The following CCDC61 variants were observed in gnomAD, a reference collection of about 807,000 sequenced individuals.
CCDC61 encodes the protein coiled-coil domain containing 61.
In CCDC61, 55 loss-of-function variants were observed where a neutral mutation model predicts 63.0. That is an observed-to-expected ratio of 0.87 (90% CI 0.70 to 1.09). The LOEUF is 1.09. Among genes scored for constraint, CCDC61 ranks in the 50% least tolerant of loss-of-function variants. The pLI is 0.00. For missense variants in CCDC61, 651 were observed against 731.4 expected (o/e 0.89, Z 1.27); for synonymous variants, 270 against 317.0 (o/e 0.85, Z 1.58).
intron 1 of CCDC61, among the ~76,000 whole-genome samples, chr19:45,999,021 C>T (rs1968543193): frequency 6.6e-6 from 1 of 152,172 alleles, no homozygotes; most frequent in African/African-American, 2.4e-5. Flanking sequence ...TTCTGTCTTT[C>T]ATGGTGGGAT....
intron 1 of CCDC61, 32 bp from the exon 2 acceptor site, chr19:46,002,976 C>G (rs766225587): frequency 6.4e-7 from 1 of 1,551,030 alleles, no homozygotes; most frequent in South Asian, 1.2e-5. Context: ...GCTCTGAGCT[C>G]CTCTAGGTTT....
chr19:46,013,590 C>T (rs7508613), intron 5 of CCDC61, among the ~76,000 whole-genome samples: 43,739 of 151,828 alleles, frequency 0.29, 6,561 homozygotes, highest in African/African-American at 0.35. Context: ...TTTCCAGGGC[C>T]GGGTGCGGTG....
At position 46,003,079 on chromosome 19, in the gene CCDC61, C is replaced by A; in HGVS notation, c.61C>A (p.Arg21=). ...YVFRGVEHAV[R]VMVSGQVLEL... ...CTTCCGGGGTGTGGAGCATGCCGTG[C>A]GGGTGATGGTTTCTGGGCAGGTGCT... is the stretch of plus-strand genomic sequence containing the variant. Residue 21 remains arginine (R), a synonymous_variant, in exon 2 of 14, where the codon CGG becomes AGG. Coordinates refer to ENST00000595358, the MANE Select transcript of CCDC61 (RefSeq NM_001267723.2). 6.2e-7 allele frequency: 1 copy of A among 1,608,678 alleles called. No homozygotes were observed.
chr19:46,012,851 ATTT>A lies in CCDC61; in HGVS notation c.552-2184_552-2182del, dbSNP rs369632790. On this transcript the variant is annotated intron_variant, in intron 5 of 13. Coordinates refer to ENST00000595358, the MANE Select transcript of CCDC61 (RefSeq NM_001267723.2). Reference sequence around the variant, plus strand: ...TGTATCTCTTTTTGCACTTAATTTAATTTTTTTTTTTTTTTTAAGAGACAGAGT... The same window carrying A: ...TGTATCTCTTTTTGCACTTAATTTAATTTTTTTTTTTTTAAGAGACAGAGT... Among the ~76,000 whole-genome samples the A allele has an allele frequency of 4.6e-4, 66 of 142,460 alleles. 1 individual carries two copies. The highest frequency in any genetic ancestry group is 3.2e-3 in the South Asian group (14 of 4,410). 93.5% of individuals were successfully genotyped at this position (142,460 alleles called of 152,430 possible). A position where few individuals can be genotyped will look rare whatever the true frequency, so the allele number is the denominator to read the frequency against.
chr19:46,013,380 C>T (rs1285965877), intron 5 of CCDC61, among the ~76,000 whole-genome samples: 1 of 151,950 alleles, frequency 6.6e-6, no homozygotes, highest in Non-Finnish European at 1.5e-5. Context: ...ATGTCTCAAA[C>T]TCTTGGGCTC....
At chr19:46,013,548 A>G (rs1968867876) in intron 5 of CCDC61, among the ~76,000 whole-genome samples, 1 of 152,160 alleles carries the variant, frequency 6.6e-6, no homozygotes, top group South Asian at 2.1e-4. Context: ...CAGTGTAATT[A>G]CTAATAATTG....
intron 11 of CCDC61, 56 bp from the exon 12 acceptor site, chr19:46,017,191 G>C: frequency 6.5e-7 from 1 of 1,543,904 alleles, no homozygotes; most frequent in Non-Finnish European, 8.8e-7. Flanking sequence ...AGGTCGGGGA[G>C]GTGGGAAGTA....
At chr19:46,001,774 C>A (rs1443760568) in intron 1 of CCDC61, among the ~76,000 whole-genome samples, 1 of 152,100 alleles carries the variant, frequency 6.6e-6, no homozygotes, top group Non-Finnish European at 1.5e-5. Context: ...AATTTGGGAG[C>A]CACTGAAATG....
chr19:46,001,772 A>G (rs1968596004), intron 1 of CCDC61, among the ~76,000 whole-genome samples: 1 of 152,168 alleles, frequency 6.6e-6, no homozygotes, highest in Non-Finnish European at 1.5e-5. Context: ...GTAATTTGGG[A>G]GCCACTGAAA....
chr19:46,004,220 G>A (rs11879786), intron 3 of CCDC61, among the ~76,000 whole-genome samples: 30,860 of 152,088 alleles, frequency 0.2, 3,659 homozygotes, highest in East Asian at 0.54. Context: ...GATTACAGAC[G>A]TGAACCACTG....
chr19:46,016,191 G>T lies in CCDC61; in HGVS notation c.983G>T (p.Gly328Val). The T allele has an allele frequency of 2.2e-6, 3 of 1,365,482 alleles. No individual in the cohort carries two copies. Among genetic ancestry groups the T allele is most frequent in the Non-Finnish European group, 2.8e-6 (3 of 1,061,574 alleles). 84.6% of individuals were successfully genotyped at this position (1,365,482 alleles called of 1,614,324 possible). A position where few individuals can be genotyped will look rare whatever the true frequency, so the allele number is the denominator to read the frequency against. Residue 328 changes from glycine (G) to valine (V), a missense_variant, in exon 8 of 14, where the codon GGC becomes GTC. By Grantham distance (109) the Gly-to-Val change is moderately radical. Transcript: ENST00000595358. This position sits in a 1 kb window ranked among gnomAD's most constrained non-coding sequence, Gnocchi z 7.2. ...AGCGGCCGCGGGAGCCGGGGTCGGG[G>T]CCGCCCTGCGCGCCCCTCGCCCTCG... Reference protein sequence around the residue: ...RESGRGSRGRGRPARPSPSPT... With the variant: ...RESGRGSRGRVRPARPSPSPT...
chr19:46,001,155 G>A (rs1440205826), intron 1 of CCDC61, among the ~76,000 whole-genome samples: 1 of 152,118 alleles, frequency 6.6e-6, no homozygotes, highest in Non-Finnish European at 1.5e-5. Context: ...GTGCTGCCAC[G>A]CACTGCATTG....
Position 46,009,130 on chromosome 19 carries a change from G to A in CCDC61, c.551+829G>A, listed in dbSNP as rs1304686780. ...TCACAGGACTCCACTGGGGTGTAGG[G>A]TGGGTCAGGCCCAGGGGCTGGGGAA... On this transcript the variant is annotated intron_variant, in intron 5 of 13. Coordinates refer to ENST00000595358, the MANE Select transcript of CCDC61 (RefSeq NM_001267723.2). 2.0e-5 allele frequency among the ~76,000 whole-genome samples: 3 copies of A among 152,168 alleles called. No homozygotes were observed. In the East Asian group the frequency reaches 5.8e-4, roughly 29 times the overall value.
At chr19:46,017,326 A>C in intron 12 of CCDC61, 22 bp downstream of exon 12, 3 of 1,548,930 alleles carry the variant, frequency 1.9e-6, no homozygotes, top group Non-Finnish European at 2.6e-6. Flanking sequence ...GGGCAACATA[A>C]ACCACTGGAA....
chr19:46,003,366 C>T (rs940020006), intron 2 of CCDC61, 53 bp from the exon 3 acceptor site: 14 of 1,564,552 alleles, frequency 8.9e-6, no homozygotes, highest in Non-Finnish European at 1.1e-5. Context: ...GGTGCATTGC[C>T]CTGGGGCTGG....
At chr19:46,011,827 G>A (rs1378988417) in intron 5 of CCDC61, among the ~76,000 whole-genome samples, 5 of 152,044 alleles carry the variant, frequency 3.3e-5, no homozygotes, top group East Asian at 1.9e-4. Flanking sequence ...TTTTGAGACC[G>A]AGTCTCGCAC....
chr19:46,011,807 C>A (rs1170628822), intron 5 of CCDC61, among the ~76,000 whole-genome samples: 2 of 152,170 alleles, frequency 1.3e-5, no homozygotes, highest in African/African-American at 2.4e-5. Context: ...TTCACCATTT[C>A]TTTTTCTTTT....
chr19:46,010,238 G>C (rs1968803122), intron 5 of CCDC61, among the ~76,000 whole-genome samples: 1 of 152,210 alleles, frequency 6.6e-6, no homozygotes, highest in South Asian at 2.1e-4. Context: ...GATGTGAAGT[G>C]AAACTGCCCA....
chr19:46,006,898 C>T (rs1342791128), intron 4 of CCDC61, among the ~76,000 whole-genome samples, 182 bp downstream of exon 4: 5 of 152,312 alleles, frequency 3.3e-5, no homozygotes, highest in African/African-American at 1.2e-4. Context: ...GCAGAATAAC[C>T]ATCACCAGTG....
Sources: allele counts gnomAD v4.1 joint callset (sites outside exome capture counted in the v4.1 genomes callset), GRCh38; gene constraint gnomAD v4.1.1; non-coding constraint Gnocchi (gnomAD v3.1); transcripts MANE v1.5; gene names NCBI Gene and HGNC (gene_info 2026-07-23, HGNC 2026-07-21).